The following DNAJC10 variants were observed in gnomAD, a reference collection of about 807,000 sequenced individuals.
DNAJC10 encodes the protein endoplasmic reticulum disulfide reductase DNAJC10.
A neutral mutation model predicts 115.0 loss-of-function variants in DNAJC10; 101 were observed. The observed-to-expected ratio is 0.88, with a 90% CI of 0.75 to 1.04. DNAJC10 has a LOEUF of 1.04. DNAJC10 is among the 50% of genes least tolerant of loss of function. The pLI is 0.00. For synonymous variants in DNAJC10, 307 were observed against 301.5 expected, an observed-to-expected ratio of 1.02 and a Z score of -0.19; for missense variants, 981 against 928.8, an observed-to-expected ratio of 1.06 and a Z score of -0.73.
intron 14 of DNAJC10, among the ~76,000 whole-genome samples, chr2:182,748,465 G>A (rs1424724323): frequency 5.9e-5 from 9 of 152,182 alleles, no homozygotes; most frequent in Admixed American, 3.3e-4. Context: ...TTGGGATAGT[G>A]TATGAGTCGA....
At chr2:182,765,015 C>T (rs926821867) in intron 22 of DNAJC10, among the ~76,000 whole-genome samples, 1 of 152,094 alleles carries the variant, frequency 6.6e-6, no homozygotes, top group East Asian at 1.9e-4. Flanking sequence ...GTTTGCATGG[C>T]GACCACTGGA....
chr2:182,740,205 C>G (rs560710647), intron 11 of DNAJC10, 94 bp from the exon 12 acceptor site: 60 of 1,168,282 alleles, frequency 5.1e-5, no homozygotes, highest in Non-Finnish European at 6.6e-5. Context: ...AATCATTTTC[C>G]TAAAAATACT....
chr2:182,734,791 T>A (rs545862154), intron 10 of DNAJC10, among the ~76,000 whole-genome samples: 60 of 151,774 alleles, frequency 4.0e-4, no homozygotes, highest in Admixed American at 9.2e-4. Context: ...GTGATTTGAA[T>A]CTCTAACCTG....
At position 182,785,040 on chromosome 2, in the gene DNAJC10, G is replaced by A. The variant is rs1694921612; in HGVS notation, c.*7908G>A. 6.6e-6 allele frequency: 1 copy of A among 152,140 alleles called. No individual in the cohort carries two copies. Among genetic ancestry groups the A allele is most frequent in the Admixed American group, 6.6e-5 (1 of 15,260 alleles). The allele number at this position is 152,140 out of a possible 1,614,324, so 9.4% of individuals were successfully genotyped here. A position where few individuals can be genotyped will look rare whatever the true frequency, so the allele number is the denominator to read the frequency against. ...CAGTTATGTTTGACTATGAGAAATTGCAGAAAAGTTAAAAGTATTTCGCAT... is the reference window on the plus strand; with the variant it reads ...CAGTTATGTTTGACTATGAGAAATTACAGAAAAGTTAAAAGTATTTCGCAT... On this transcript the variant is annotated 3_prime_UTR_variant, in exon 24 of 24. Transcript: ENST00000264065.
intron 12 of DNAJC10, 70 bp from the exon 13 acceptor site, chr2:182,741,173 C>A: frequency 9.5e-7 from 1 of 1,053,806 alleles, no homozygotes; most frequent in South Asian, 1.5e-5. Context: ...AACTTCAAGT[C>A]ATAGAAATGA....
At chr2:182,735,305 T>C (rs1693556731) in intron 10 of DNAJC10, among the ~76,000 whole-genome samples, 1 of 151,934 alleles carries the variant, frequency 6.6e-6, no homozygotes, top group Admixed American at 6.5e-5. Flanking sequence ...TCTGAAACTT[T>C]GCTGTTATGT....
intron 5 of DNAJC10, among the ~76,000 whole-genome samples, chr2:182,724,014 C>G (rs891091467): frequency 2.0e-5 from 3 of 152,114 alleles, no homozygotes; most frequent in African/African-American, 7.2e-5. Context: ...ATTTCTGGCT[C>G]TCTAGAAAGT....
At chr2:182,727,814 A>G (rs1693329862) in intron 5 of DNAJC10, among the ~76,000 whole-genome samples, 1 of 152,244 alleles carries the variant, frequency 6.6e-6, no homozygotes, top group Non-Finnish European at 1.5e-5. Context: ...TTTTATCTTG[A>G]ATGTGAAAGC....
chr2:182,741,106 T>C (rs1693726455), intron 12 of DNAJC10, 137 bp from the exon 13 acceptor site: 2 of 606,326 alleles, frequency 3.3e-6, no homozygotes, highest in African/African-American at 3.9e-5. Flanking sequence ...AATAAGAGAA[T>C]GAGTGGGTCC....
chr2:182,718,417 A>G (rs1693056114), intron 3 of DNAJC10, 127 bp downstream of exon 3: 2 of 813,276 alleles, frequency 2.5e-6, no homozygotes, highest in Non-Finnish European at 1.8e-6. Flanking sequence ...TTCAACTTGT[A>G]TGCTAGAAAC....
chr2:182,760,189 C>T (rs112667931), intron 21 of DNAJC10, among the ~76,000 whole-genome samples: 45 of 152,292 alleles, frequency 3.0e-4, no homozygotes, highest in African/African-American at 1.0e-3. Flanking sequence ...CTAAAATGCT[C>T]TGTCCTTACC....
chr2:182,783,989 C>G lies in DNAJC10; in HGVS notation c.*6857C>G, dbSNP rs1303262898. ...GTTAATTTGTAATAAATTCAAGATG[C>G]AAAAAGAAAACCTATTTCACTACCG... On this transcript the variant is annotated 3_prime_UTR_variant, in exon 24 of 24. Coordinates refer to ENST00000264065, the MANE Select transcript of DNAJC10 (RefSeq NM_018981.4). 6.6e-6 allele frequency: 1 copy of G among 152,002 alleles called. No homozygotes were observed. Among genetic ancestry groups the G allele is most frequent in the Non-Finnish European group, 1.5e-5 (1 of 68,006 alleles). 9.4% of individuals were successfully genotyped at this position (152,002 alleles called of 1,614,324 possible). A position where few individuals can be genotyped will look rare whatever the true frequency, so the allele number is the denominator to read the frequency against.
At chr2:182,756,814 T>C (rs1694169335) in intron 18 of DNAJC10, among the ~76,000 whole-genome samples, 2 of 152,130 alleles carry the variant, frequency 1.3e-5, no homozygotes, top group Non-Finnish European at 2.9e-5. Flanking sequence ...AATTTTTGTA[T>C]TTTTAGTAGA....
rs188863164 is a variant in DNAJC10 at position 182,729,259 on chromosome 2, C to T, written c.633+265C>T. On this transcript the variant is annotated intron_variant, in intron 7 of 23. Coordinates refer to ENST00000264065, the MANE Select transcript of DNAJC10 (RefSeq NM_018981.4). ...TGCCTCCTGGGCTCAAGCAGTTCTC[C>T]TGCCTCAGCCTCCCGAGTAGCTGGG... Among the ~76,000 whole-genome samples the T allele has an allele frequency of 2.5e-3, 375 of 152,240 alleles. 3 individuals carry two copies. The highest frequency in any genetic ancestry group is 4.2e-3 in the Admixed American group (64 of 15,296).
chr2:182,754,203 C>T (rs1243658578), intron 16 of DNAJC10, among the ~76,000 whole-genome samples: 1 of 152,156 alleles, frequency 6.6e-6, no homozygotes, highest in East Asian at 1.9e-4. Flanking sequence ...CTTTGTTAAT[C>T]AGTGAATTAT....
intron 21 of DNAJC10, among the ~76,000 whole-genome samples, chr2:182,761,068 A>G (rs888644630): frequency 6.6e-6 from 1 of 152,184 alleles, no homozygotes; most frequent in Non-Finnish European, 1.5e-5. Flanking sequence ...GCTAAGTAGT[A>G]GGGCCACGTA....
rs1270565316 is a variant in DNAJC10, at chr2:182,785,157, C to T, written c.*8025C>T. ...AAATTTAGAAAATCATACAGGCACA[C>T]ACACTGCTATAGACATGTAAAGATA... On this transcript the variant is annotated 3_prime_UTR_variant, in exon 24 of 24. Coordinates refer to ENST00000264065, the MANE Select transcript of DNAJC10 (RefSeq NM_018981.4). The T allele has an allele frequency of 6.6e-6, 1 of 152,122 alleles. No homozygotes were observed. The highest frequency in any genetic ancestry group is 1.9e-4 in the East Asian group (1 of 5,194). The allele number at this position is 152,122 out of a possible 1,614,324, so 9.4% of individuals were successfully genotyped here. A position where few individuals can be genotyped will look rare whatever the true frequency, so the allele number is the denominator to read the frequency against.
At chr2:182,730,198 A>G (rs1693407459) in intron 8 of DNAJC10, among the ~76,000 whole-genome samples, 1 of 152,186 alleles carries the variant, frequency 6.6e-6, no homozygotes, top group African/African-American at 2.4e-5. Context: ...GGCATCTCTC[A>G]AAGTGCAAAA....
At chr2:182,716,758 T>G (rs1693003555) in intron 1 of DNAJC10, among the ~76,000 whole-genome samples, 1 of 152,158 alleles carries the variant, frequency 6.6e-6, no homozygotes, top group Non-Finnish European at 1.5e-5. Context: ...TTCCCCCGTG[T>G]CTTCATCTTT....
Sources: gnomAD v4.1 joint callset for allele counts (sites outside exome capture counted in the v4.1 genomes callset) on GRCh38, gnomAD v4.1.1 for gene constraint, MANE v1.5 for transcripts, NCBI Gene and HGNC (gene_info 2026-07-23, HGNC 2026-07-21) for gene names.